Variants in GRM5 observed in about 807,000 individuals in gnomAD.
GRM5 encodes the protein metabotropic glutamate receptor 5.
A neutral mutation model predicts 83.1 loss-of-function variants in GRM5; 19 were observed. That is an observed-to-expected ratio of 0.23 (90% CI 0.16 to 0.34). The LOEUF (loss-of-function observed/expected upper bound fraction) is 0.34. Among genes scored for constraint, GRM5 ranks in the 10% least tolerant of loss-of-function variants. The pLI is 1.00. For missense variants in GRM5, 1,160 were observed against 1,588.3 expected, an observed-to-expected ratio of 0.73 and a Z score of 4.58; for synonymous variants, 675 against 633.6, an observed-to-expected ratio of 1.07 and a Z score of -0.98.
chr11:88,573,430 C>A (rs11020487), intron 7 of GRM5, among the ~76,000 whole-genome samples: 6,822 of 152,132 alleles, frequency 0.045, 503 homozygotes, highest in African/African-American at 0.15. Flanking sequence ...AACCCTGTTC[C>A]AAGTGTCTCT....
chr11:88,951,814 G>A (rs1429788663), intron 2 of GRM5, among the ~76,000 whole-genome samples: 2 of 152,158 alleles, frequency 1.3e-5, no homozygotes, highest in Non-Finnish European at 2.9e-5. Context: ...GACTGATTCT[G>A]GCATGGATGT....
Position 88,509,300 on chromosome 11 carries a change from C to T in GRM5, c.2931G>A (p.Thr977=). The change falls in exon 10 of 10, where the codon ACG becomes ACA. Residue 977 remains threonine, a synonymous_variant. Transcript: ENST00000305447. The part of the protein sequence containing the change: ...AGGSAGGVGA[T]GGAGCAGAGP... ...CGGCGCCTGCGCAGCCCGCACCGCC[C>T]GTGGCCCCCACGCCCCCAGCGCTCC... is the stretch of plus-strand genomic sequence containing the variant. 5 of 1,537,456 alleles carry T rather than the reference C, an allele frequency of 3.3e-6. No individual in the cohort carries two copies. The highest frequency in any genetic ancestry group is 3.5e-6 in the Non-Finnish European group (4 of 1,144,764).
At chr11:88,759,632 A>G (rs1942470016) in intron 3 of GRM5, among the ~76,000 whole-genome samples, 1 of 152,134 alleles carries the variant, frequency 6.6e-6, no homozygotes, top group African/African-American at 2.4e-5. Context: ...ATAGTGGGAG[A>G]TTTCAGCACC....
At chr11:88,925,269 T>C (rs1945767357) in intron 2 of GRM5, among the ~76,000 whole-genome samples, 1 of 152,132 alleles carries the variant, frequency 6.6e-6, no homozygotes, top group South Asian at 2.1e-4. Context: ...AGAAAAGAGC[T>C]ATTACTCTTT....
At chr11:88,886,692 T>C (rs1945049128) in intron 2 of GRM5, among the ~76,000 whole-genome samples, 1 of 152,180 alleles carries the variant, frequency 6.6e-6, no homozygotes, top group Non-Finnish European at 1.5e-5. Flanking sequence ...CCCCAGCCTC[T>C]GACTACCCTG....
intron 2 of GRM5, among the ~76,000 whole-genome samples, chr11:89,020,218 G>A (rs530500349): frequency 6.6e-6 from 1 of 152,294 alleles, no homozygotes; most frequent in Non-Finnish European, 1.5e-5. Flanking sequence ...ACACAAAATA[G>A]TAAGTGCAGA....
intron 9 of GRM5, among the ~76,000 whole-genome samples, chr11:88,518,847 G>A (rs1256435948): frequency 6.6e-6 from 1 of 150,910 alleles, no homozygotes; most frequent in Non-Finnish European, 1.5e-5. Flanking sequence ...ACACCCCATG[G>A]TCCCTAAAAC....
At chr11:88,662,313 A>G (rs1009428902) in intron 3 of GRM5, among the ~76,000 whole-genome samples, 1 of 152,212 alleles carries the variant, frequency 6.6e-6, no homozygotes, top group Non-Finnish European at 1.5e-5. Flanking sequence ...ACTCCAGCAC[A>G]TTTCATACTT....
In GRM5 at chr11:88,597,332, T is replaced by A; in HGVS notation, c.1415A>T (p.Lys472Met). Residue 472 changes from lysine to methionine, a missense_variant, in exon 6 of 10, where the codon AAG becomes ATG. Physicochemically the swap from Lys to Met is moderately conservative, Grantham distance 95. Transcript: ENST00000305447. ...ATCAAAGTAATCTTTTCCCATTTCC[T>A]TGAAATTCATTATTTCATACCTTAG... is the stretch of plus-strand genomic sequence containing the variant. ...SPGRYEIMNF[K>M]EMGKDYFDYI... is the part of the protein sequence containing the mutation. 6.6e-7 allele frequency: 1 copy of A among 1,512,530 alleles called. No homozygotes were observed. Among genetic ancestry groups the A allele is most frequent in the Non-Finnish European group, 9.2e-7 (1 of 1,092,642 alleles). 93.7% of individuals were successfully genotyped at this position (1,512,530 alleles called of 1,614,324 possible).
chr11:88,922,067 A>G (rs375925262), intron 2 of GRM5, among the ~76,000 whole-genome samples: 1 of 152,172 alleles, frequency 6.6e-6, no homozygotes, highest in South Asian at 2.1e-4. Context: ...ACTAAAAAGC[A>G]TTGATGCAAG....
intron 4 of GRM5, among the ~76,000 whole-genome samples, chr11:88,629,267 A>G (rs368351259): frequency 6.6e-6 from 1 of 152,222 alleles, no homozygotes; most frequent in Non-Finnish European, 1.5e-5. Context: ...GTAGAATTCC[A>G]TGGCAGGGCT....
intron 9 of GRM5, among the ~76,000 whole-genome samples, chr11:88,512,902 T>G (rs1249768486): frequency 6.6e-6 from 1 of 152,208 alleles, no homozygotes. Flanking sequence ...AAATATTTGG[T>G]AAGCCATAAA....
chr11:88,806,658 G>C (rs956709464), intron 3 of GRM5, among the ~76,000 whole-genome samples: 3 of 152,138 alleles, frequency 2.0e-5, no homozygotes, highest in African/African-American at 7.2e-5. Context: ...CATGGGGCTA[G>C]ATTTATACCT....
intron 3 of GRM5, among the ~76,000 whole-genome samples, chr11:88,678,578 T>C (rs1940395365): frequency 6.6e-6 from 1 of 152,128 alleles, no homozygotes; most frequent in African/African-American, 2.4e-5. Context: ...ATATCCTGTA[T>C]GCCAGTCATT....
At chr11:88,926,056 C>T (rs1276686561) in intron 2 of GRM5, among the ~76,000 whole-genome samples, 2 of 152,268 alleles carry the variant, frequency 1.3e-5, no homozygotes, top group African/African-American at 2.4e-5. Flanking sequence ...CCTGTAAATA[C>T]AAATGTCCAG....
chr11:88,882,483 C>A (rs1464001940), intron 2 of GRM5, among the ~76,000 whole-genome samples: 1 of 150,408 alleles, frequency 6.6e-6, no homozygotes, highest in Non-Finnish European at 1.5e-5. Context: ...ATGGCATGAA[C>A]CCAGGAGGTG....
At chr11:88,618,367 A>AGAC (rs1230140770) in intron 4 of GRM5, among the ~76,000 whole-genome samples, 2 of 152,232 alleles carry the variant, frequency 1.3e-5, no homozygotes, top group Non-Finnish European at 2.9e-5. Flanking sequence ...TTTTAAACTC[A>AGAC]GACTGTTGAT....
intron 2 of GRM5, among the ~76,000 whole-genome samples, chr11:88,915,869 T>A (rs939366813): frequency 6.6e-6 from 1 of 152,138 alleles, no homozygotes; most frequent in Non-Finnish European, 1.5e-5. Context: ...TTTTTTAGTC[T>A]CATGGTTGTC....
At chr11:88,977,611 T>A (rs963865678) in intron 2 of GRM5, among the ~76,000 whole-genome samples, 1 of 152,212 alleles carries the variant, frequency 6.6e-6, no homozygotes, top group Non-Finnish European at 1.5e-5. Flanking sequence ...TCTTAAATAT[T>A]TGAAGTGGTG....
Sources: gnomAD v4.1 joint callset for allele counts (sites outside exome capture counted in the v4.1 genomes callset) on GRCh38, gnomAD v4.1.1 for gene constraint, MANE v1.5 for transcripts, NCBI Gene and HGNC (gene_info 2026-07-23, HGNC 2026-07-21) for gene names.